Variants in CBLN2 observed in about 807,000 individuals in gnomAD.
CBLN2 encodes the protein cerebellin-2.
In CBLN2, 7 loss-of-function variants were observed where a neutral mutation model predicts 15.0. The ratio of observed to expected loss-of-function variants is 0.47; its 90% CI spans 0.27 to 0.88. The LOEUF is 0.88. CBLN2 is among the 40% of genes least tolerant of loss of function. The pLI, the probability that CBLN2 is intolerant of heterozygous loss-of-function variation, is 0.14. For synonymous variants in CBLN2, 149 were observed against 135.2 expected (o/e 1.10, Z -0.71); for missense variants, 242 against 304.5 (o/e 0.79, Z 1.53).
chr18:72,638,412 T>G (rs1479894849), exon 1 of CBLN2: 2 of 398,262 alleles, frequency 5.0e-6, no homozygotes, highest in African/African-American at 4.1e-5. Flanking sequence ...TCAATTCATT[T>G]CTCTTTTATA....
chr18:72,550,154 G>A (rs1244198515), intron 1 of CBLN2, among the ~76,000 whole-genome samples: 2 of 152,102 alleles, frequency 1.3e-5, no homozygotes, highest in Non-Finnish European at 2.9e-5. Flanking sequence ...TTTAAAATAA[G>A]GAAAATGAGA....
At chr18:72,625,711 TATATATATATATATAC>T (rs954019169) in intron 1 of CBLN2, among the ~76,000 whole-genome samples, 18 of 33,886 alleles carry the variant, frequency 5.3e-4, no homozygotes, top group Non-Finnish European at 1.0e-3. Context: ...TATATATATA[TATATATATATATATAC>T]ACACTCTTGT....
intron 1 of CBLN2, among the ~76,000 whole-genome samples, chr18:72,594,869 T>A (rs2069502802): frequency 6.6e-6 from 1 of 152,158 alleles, no homozygotes; most frequent in South Asian, 2.1e-4. Context: ...GTATCAGTTG[T>A]AATGTCTCCT....
At chr18:72,625,800 CTCTCTCTCTCTCTCTCTCTA>C (rs2069733401) in intron 1 of CBLN2, among the ~76,000 whole-genome samples, 1 of 49,446 alleles carries the variant, frequency 2.0e-5, no homozygotes, top group Non-Finnish European at 4.7e-5. Flanking sequence ...CTCTCTCTCT[CTCTCTCTCTCTCTCTCTCTA>C]TATATATATA....
intron 1 of CBLN2, among the ~76,000 whole-genome samples, chr18:72,612,683 G>A (rs761444586): frequency 6.6e-5 from 10 of 152,070 alleles, no homozygotes; most frequent in African/African-American, 2.2e-4. Context: ...TCTATTCTGC[G>A]GAGATTTGTC....
intron 1 of CBLN2, among the ~76,000 whole-genome samples, chr18:72,637,597 G>A (rs1568139392): frequency 6.6e-6 from 1 of 152,172 alleles, no homozygotes; most frequent in East Asian, 1.9e-4. Flanking sequence ...GGCTCTGTGA[G>A]CCCCCGAGTT....
intron 1 of CBLN2, among the ~76,000 whole-genome samples, chr18:72,603,708 G>C (rs1251663446): frequency 6.6e-6 from 1 of 152,100 alleles, no homozygotes; most frequent in Non-Finnish European, 1.5e-5. Flanking sequence ...AATGTTTAAG[G>C]AGCTCAACGT....
intron 1 of CBLN2, among the ~76,000 whole-genome samples, chr18:72,611,566 C>T (rs574611009): frequency 6.6e-6 from 1 of 152,236 alleles, no homozygotes; most frequent in East Asian, 1.9e-4. Context: ...CTGTTCATGT[C>T]TTTTGCCTGC....
At chr18:72,632,969 G>A (rs905586783) in intron 1 of CBLN2, among the ~76,000 whole-genome samples, 2 of 152,140 alleles carry the variant, frequency 1.3e-5, no homozygotes, top group Admixed American at 6.6e-5. Flanking sequence ...ATGAACAAAC[G>A]AATGCAATGT....
chr18:72,602,615 T>A (rs558967304), intron 1 of CBLN2, among the ~76,000 whole-genome samples: 7 of 152,308 alleles, frequency 4.6e-5, no homozygotes, highest in African/African-American at 7.2e-5. Context: ...GTTGTGCAGA[T>A]GTGGTTGAAG....
intron 1 of CBLN2, among the ~76,000 whole-genome samples, chr18:72,553,488 AT>A (rs2144884168): frequency 6.6e-6 from 1 of 152,218 alleles, no homozygotes; most frequent in East Asian, 1.9e-4. Flanking sequence ...AGATAGATAG[AT>A]AGATAGATAG....
intron 1 of CBLN2, among the ~76,000 whole-genome samples, chr18:72,629,951 C>T (rs2069763770): frequency 6.6e-6 from 1 of 152,086 alleles, no homozygotes; most frequent in Admixed American, 6.6e-5. Flanking sequence ...GCCAACTTGT[C>T]TCTTAACCAA....
At chr18:72,573,011 G>T (rs1158692269) in intron 1 of CBLN2, among the ~76,000 whole-genome samples, 2 of 152,096 alleles carry the variant, frequency 1.3e-5, no homozygotes, top group African/African-American at 2.4e-5. Context: ...GTAGTTCAAA[G>T]ACCCAGAATT....
chr18:72,601,465 C>A (rs1384103134), intron 1 of CBLN2, among the ~76,000 whole-genome samples: 2 of 152,094 alleles, frequency 1.3e-5, no homozygotes, highest in Non-Finnish European at 2.9e-5. Context: ...AAATAGATTC[C>A]CCTTACACAG....
At chr18:72,604,611 A>G (rs538288246) in intron 1 of CBLN2, among the ~76,000 whole-genome samples, 1 of 152,222 alleles carries the variant, frequency 6.6e-6, no homozygotes, top group Non-Finnish European at 1.5e-5. Context: ...TGATTGAATC[A>G]TGAGAGCTCT....
At chr18:72,592,920 T>C (rs1208223973) in intron 1 of CBLN2, among the ~76,000 whole-genome samples, 2 of 152,164 alleles carry the variant, frequency 1.3e-5, no homozygotes, top group South Asian at 2.1e-4. Flanking sequence ...AGTCAGGTAA[T>C]GTAATTTCTC....
rs183743053 is a variant in CBLN2, at chr18:72,577,874, G to A, written c.16-39102C>T. ...TTATACCATTGCCATCAGCATTAGA[G>A]CATTGTGAAGTGAATAAAGCATAAT... is the stretch of plus-strand genomic sequence containing the variant. On this transcript the variant is annotated intron_variant, in intron 1 of 2. Transcript: ENST00000581073. Among the ~76,000 whole-genome samples the A allele has an allele frequency of 1.6e-3, 247 of 152,280 alleles. 1 individual carries two copies. The highest frequency in any genetic ancestry group is 0.01 in the Middle Eastern group (3 of 294).
intron 1 of CBLN2, among the ~76,000 whole-genome samples, chr18:72,610,038 T>A (rs1037382614): frequency 1.3e-5 from 2 of 152,170 alleles, no homozygotes; most frequent in African/African-American, 2.4e-5. Flanking sequence ...CAGCTGGTTG[T>A]CAACCCAGGG....
intron 3 of CBLN2, chr18:72,540,130 C>G (rs1472095142): frequency 6.6e-6 from 1 of 152,176 alleles, no homozygotes; most frequent in Non-Finnish European, 1.5e-5. Context: ...TATTCTCAGT[C>G]TCACAAGGCT....
Sources: gnomAD v4.1 joint callset for allele counts (sites outside exome capture counted in the v4.1 genomes callset) on GRCh38, gnomAD v4.1.1 for gene constraint, MANE v1.5 for transcripts, NCBI Gene and HGNC (gene_info 2026-07-23, HGNC 2026-07-21) for gene names.